PKD1L1: variants seen among roughly 807,000 people sequenced by gnomAD.
PKD1L1 encodes polycystin-1-like protein 1.
A neutral mutation model predicts 323.4 loss-of-function variants in PKD1L1; 236 were observed. The ratio of observed to expected loss-of-function variants is 0.73; its 90% confidence interval spans 0.66 to 0.81. The LOEUF is 0.81. Among genes scored for constraint, PKD1L1 ranks in the 40% least tolerant of loss-of-function variants. The pLI is 0.00. For missense variants in PKD1L1, 3,320 were observed against 3,508.0 expected (o/e 0.95, Z 1.35); for synonymous variants, 1,344 against 1,335.0 (o/e 1.01, Z -0.15).
In PKD1L1 at chr7:47,946,128, A is replaced by G. The variant is rs544812957; in HGVS notation, c.44+2269T>C. ...CACAGAATCAGCACCATTTTCACAG[A>G]GGTACCTGGCTTCCTCTTAGTTAAC... On this transcript the variant is annotated intron_variant, in intron 1 of 56. Coordinates refer to ENST00000289672, the MANE Select transcript of PKD1L1 (RefSeq NM_138295.5). This position sits in a 1 kb window ranked among gnomAD's most constrained non-coding sequence, Gnocchi z 4.1. Among the ~76,000 whole-genome samples, 65 of 152,264 alleles carry G rather than the reference A, an allele frequency of 4.3e-4. No homozygotes were observed. The highest frequency in any genetic ancestry group is 2.4e-3 in the Admixed American group (37 of 15,288).
chr7:47,871,111 A>G (rs1188974160), intron 24 of PKD1L1, among the ~76,000 whole-genome samples: 1 of 152,208 alleles, frequency 6.6e-6, no homozygotes, highest in Non-Finnish European at 1.5e-5. Context: ...GAACATGGAC[A>G]CAAAAATCCT....
chr7:47,800,960 T>G (rs1358299583), intron 53 of PKD1L1, 81 bp from the exon 54 acceptor site: 8 of 1,323,730 alleles, frequency 6.0e-6, no homozygotes, highest in Non-Finnish European at 7.5e-6. Context: ...ATGTTGAAAA[T>G]AGAGACAAAC....
At chr7:47,930,801 C>T (rs1171735354) in intron 6 of PKD1L1, among the ~76,000 whole-genome samples, 2 of 152,048 alleles carry the variant, frequency 1.3e-5, no homozygotes, top group Admixed American at 6.5e-5. Context: ...GGTGACAGAG[C>T]GAGACTCTGT....
In PKD1L1 at chr7:47,840,585, G is replaced by A. The variant is rs539050739; in HGVS notation, c.5446-18C>T. On this transcript the variant is annotated intron_variant, in intron 34 of 56. Coordinates refer to ENST00000289672, the MANE Select transcript of PKD1L1 (RefSeq NM_138295.5). This position sits in a 1 kb window ranked among gnomAD's most constrained non-coding sequence, Gnocchi z 4.1. ...ATGTACACCTCAAAACAAAGAACAG[G>A]GGTGGGAACTCAGGCTATTTCACAG... The A allele has an allele frequency of 6.3e-7, 1 of 1,584,910 alleles. No individual in the cohort carries two copies. The highest frequency in any genetic ancestry group is 1.1e-5 in the South Asian group (1 of 90,418).
At chr7:47,873,675 G>GAA (rs1786336146) in intron 24 of PKD1L1, among the ~76,000 whole-genome samples, 9 of 131,666 alleles carry the variant, frequency 6.8e-5, no homozygotes, top group African/African-American at 2.7e-4. Context: ...AAAAAAAGAA[G>GAA]GAGAAGAAAG....
the PKD1L1 span, among the ~76,000 whole-genome samples, chr7:47,960,281 C>T: frequency 2.9e-3 from 417 of 146,310 alleles, 1 homozygote; most frequent in Admixed American, 6.0e-3. Flanking sequence ...CCTTTGTTCA[C>T]TTGTTTATCT....
intron 11 of PKD1L1, 132 bp downstream of exon 11, chr7:47,905,025 A>G: frequency 1.0e-6 from 1 of 974,292 alleles, no homozygotes; most frequent in Non-Finnish European, 1.5e-6. Context: ...TGCTTCACAG[A>G]AGGACCTAGT....
intron 25 of PKD1L1, 37 bp downstream of exon 25, chr7:47,866,382 T>C (rs1466789115): frequency 3.4e-5 from 55 of 1,596,492 alleles, no homozygotes; most frequent in Non-Finnish European, 4.6e-5. Context: ...TTGATAAAGG[T>C]TTACAGACAC....
intron 36 of PKD1L1, among the ~76,000 whole-genome samples, chr7:47,838,382 C>T (rs191522238): frequency 5.3e-5 from 8 of 152,292 alleles, no homozygotes; most frequent in Admixed American, 4.6e-4. Context: ...CTGTTTGAGA[C>T]CCAGCTTCAG....
chr7:47,877,007 C>CT (rs201505962), intron 22 of PKD1L1, among the ~76,000 whole-genome samples: 2,239 of 152,058 alleles, frequency 0.015, 50 homozygotes, highest in African/African-American at 0.051. Context: ...TTGCATTCAT[C>CT]TTTTTAAATC....
chr7:47,870,627 GC>G lies in PKD1L1; in HGVS notation c.3896+3271del, dbSNP rs373795690. 4.4e-3 allele frequency among the ~76,000 whole-genome samples: 677 copies of G among 152,300 alleles called. 5 individuals are homozygous for G. Among genetic ancestry groups the G allele is most frequent in the African/African-American group, 0.016 (651 of 41,560 alleles). On this transcript the variant is annotated intron_variant, in intron 24 of 56. Transcript: ENST00000289672. ...ATTTCAAAATTTCCACAAAGAAAAT[GC>G]CAGGTCCAAATAACTTTGCTGGTAA... is the stretch of plus-strand genomic sequence containing the variant.
At chr7:47,815,867 C>T (rs1584963648) in intron 46 of PKD1L1, among the ~76,000 whole-genome samples, 1 of 150,758 alleles carries the variant, frequency 6.6e-6, no homozygotes, top group Non-Finnish European at 1.5e-5. Context: ...AAAAAAAAAG[C>T]AGGAAAGACA....
chr7:47,864,131 C>A (rs560820318), intron 26 of PKD1L1, among the ~76,000 whole-genome samples: 2 of 152,106 alleles, frequency 1.3e-5, no homozygotes, highest in African/African-American at 4.8e-5. Context: ...AGGACTGTGC[C>A]GCCTGCACCC....
intron 36 of PKD1L1, among the ~76,000 whole-genome samples, chr7:47,838,408 GAC>G (rs1258761987): frequency 6.6e-6 from 1 of 152,156 alleles, no homozygotes; most frequent in Non-Finnish European, 1.5e-5. Flanking sequence ...ACTCATCAGG[GAC>G]ACAGAGTCAC....
Position 47,842,985 on chromosome 7 carries a change from C to T in PKD1L1, c.5422G>A (p.Ala1808Thr), listed in dbSNP as rs1211572369. ...ACCTTTGAGGTCAACCTGGCCGGAG[C>T]TCGGAAGCCAGTGTCAATGACGACC... ...YAVVIDTGFR[A>T]PARLTSKVYI... Residue 1808 changes from alanine to threonine, a missense_variant, in exon 34 of 57, where the codon GCT (alanine) becomes ACT (threonine). Coordinates refer to ENST00000289672, the MANE Select transcript of PKD1L1 (RefSeq NM_138295.5). 2 of 1,613,698 alleles carry T rather than the reference C, an allele frequency of 1.2e-6. No individual in the cohort carries two copies. Among genetic ancestry groups the T allele is most frequent in the Admixed American group, 1.7e-5 (1 of 59,964 alleles).
At chr7:47,838,908 G>A (rs1009925198) in intron 36 of PKD1L1, among the ~76,000 whole-genome samples, 1 of 149,930 alleles carries the variant, frequency 6.7e-6, no homozygotes, top group Non-Finnish European at 1.5e-5. Flanking sequence ...GAAAGAAAGT[G>A]CAAAATGCAT....
chr7:47,862,149 T>C (rs1018412021), intron 26 of PKD1L1, among the ~76,000 whole-genome samples: 1 of 151,740 alleles, frequency 6.6e-6, no homozygotes, highest in African/African-American at 2.4e-5. Flanking sequence ...GAGCCAAGAT[T>C]GTGCCACTAC....
chr7:47,940,468 G>T, intron 2 of PKD1L1, 151 bp from the exon 3 acceptor site: 1 of 680,014 alleles, frequency 1.5e-6, no homozygotes, highest in Non-Finnish European at 2.4e-6. Flanking sequence ...TCCTTGGGCT[G>T]CCGTGTCCTG....
At chr7:47,934,266 A>G (rs1444387598) in intron 4 of PKD1L1, among the ~76,000 whole-genome samples, 1 of 152,046 alleles carries the variant, frequency 6.6e-6, no homozygotes, top group Non-Finnish European at 1.5e-5. Flanking sequence ...ATCACAATCA[A>G]TAAAAGCCTG....
Sources: allele counts gnomAD v4.1 joint callset (sites outside exome capture counted in the v4.1 genomes callset), GRCh38; gene constraint gnomAD v4.1.1; non-coding constraint Gnocchi (gnomAD v3.1); transcripts MANE v1.5; gene names NCBI Gene and HGNC (gene_info 2026-07-23, HGNC 2026-07-21).